The following HMGA2 variants were observed in gnomAD, a reference collection of about 807,000 sequenced individuals.
HMGA2 encodes high mobility group protein HMGI-C.
Under a neutral mutation model 19.1 loss-of-function variants are expected in HMGA2, and 8 were observed. The observed-to-expected ratio is 0.42, with a 90% CI of 0.25 to 0.76. The LOEUF is 0.76. Among genes scored for constraint, HMGA2 ranks in the 30% least tolerant of loss-of-function variants. The pLI, the probability that HMGA2 is intolerant of heterozygous loss-of-function variation, is 0.28. For synonymous variants in HMGA2, 60 were observed against 48.8 expected, an observed-to-expected ratio of 1.23 and a Z score of -0.96; for missense variants, 109 against 136.3, an observed-to-expected ratio of 0.80 and a Z score of 1.00.
intron 3 of HMGA2, chr12:65,881,507 C>A: frequency 1.8e-6 from 1 of 568,832 alleles, no homozygotes; most frequent in East Asian, 2.8e-5. Context: ...AGTAGCAGAA[C>A]AAAACAAAAC....
chr12:65,939,473 A>C (rs1592458493), intron 3 of HMGA2, among the ~76,000 whole-genome samples: 1 of 151,868 alleles, frequency 6.6e-6, no homozygotes, highest in Non-Finnish European at 1.5e-5. Flanking sequence ...CTTTTGCCTC[A>C]GCCTCCTGAG....
chr12:65,900,682 A>G (rs984164682), intron 3 of HMGA2, among the ~76,000 whole-genome samples: 2 of 152,228 alleles, frequency 1.3e-5, no homozygotes, highest in South Asian at 4.1e-4. Context: ...ACCACTAGGA[A>G]CAAAATGAGC....
chr12:65,866,294 A>T (rs74097820), intron 3 of HMGA2, among the ~76,000 whole-genome samples: 11,409 of 152,228 alleles, frequency 0.075, 1,246 homozygotes, highest in African/African-American at 0.24. Context: ...CGTAGTTATT[A>T]AAAAAATACA....
At chr12:65,958,831 G>C (rs1876671674) in intron 4 of HMGA2, 1 of 151,786 alleles carries the variant, frequency 6.6e-6, no homozygotes, top group African/African-American at 2.4e-5. Context: ...TAATAGAAGA[G>C]TTGCAGAATT....
rs149098124 is a variant in HMGA2, at chr12:65,945,134, G to A, written c.250-6249G>A. Among the ~76,000 whole-genome samples the A allele has an allele frequency of 6.3e-3, 962 of 151,836 alleles. 7 individuals carry two copies. The highest frequency in any genetic ancestry group is 6.8e-3 in the Non-Finnish European group (460 of 67,966). On this transcript the variant is annotated intron_variant, in intron 3 of 4. Transcript: ENST00000403681. ...GAGGGCAGAGATGGATTGGAGTGGA[G>A]GCCACGTGAATGAGTCTCAGAAATA...
rs184348687 is a variant in HMGA2, at chr12:65,863,106, G to A, written c.249+24537G>A. On this transcript the variant is annotated intron_variant, in intron 3 of 4. Coordinates refer to ENST00000403681, the MANE Select transcript of HMGA2 (RefSeq NM_003483.6). ...ACAGCAGTGAACCCTAAATCCTGAC[G>A]ACACTATCAGCACTTAAGTAGAGCT... Among the ~76,000 whole-genome samples, 7 of 152,278 alleles carry A rather than the reference G, an allele frequency of 4.6e-5. No homozygotes were observed. The East Asian group carries it at 1.3e-3, about 29-fold the overall frequency.
Position 65,937,883 on chromosome 12 carries a change from C to T in HMGA2, c.250-13500C>T, listed in dbSNP as rs115519105. ...CTTCTTACCAACCCTCAAAGACAAACCAGCACAGAGAATAGTAAAATGTGC... is the reference window on the plus strand; with the variant it reads ...CTTCTTACCAACCCTCAAAGACAAATCAGCACAGAGAATAGTAAAATGTGC... On this transcript the variant is annotated intron_variant, in intron 3 of 4. Coordinates refer to ENST00000403681, the MANE Select transcript of HMGA2 (RefSeq NM_003483.6). Among the ~76,000 whole-genome samples, 1,288 of 152,282 alleles carry T rather than the reference C, an allele frequency of 8.5e-3. 20 individuals are homozygous for T. Among genetic ancestry groups the T allele is most frequent in the African/African-American group, 0.029 (1,203 of 41,548 alleles).
chr12:65,857,169 CT>C (rs1871788307), intron 3 of HMGA2: 1 of 152,164 alleles, frequency 6.6e-6, no homozygotes, highest in Non-Finnish European at 1.5e-5. Flanking sequence ...TTATAGACTG[CT>C]TTTGGTGTGA....
intron 3 of HMGA2, among the ~76,000 whole-genome samples, chr12:65,883,929 A>G (rs1005447406): frequency 1.3e-5 from 2 of 152,178 alleles, no homozygotes; most frequent in African/African-American, 4.8e-5. Flanking sequence ...CGGTGGCCCA[A>G]TCTCAGCTCA....
At chr12:65,840,992 C>T (rs1376395114) in intron 3 of HMGA2, among the ~76,000 whole-genome samples, 1 of 152,108 alleles carries the variant, frequency 6.6e-6, no homozygotes, top group Non-Finnish European at 1.5e-5. Flanking sequence ...CTTCCTATGG[C>T]TCCACATCTG....
intron 3 of HMGA2, among the ~76,000 whole-genome samples, chr12:65,865,945 C>T (rs1447688337): frequency 6.6e-6 from 1 of 151,816 alleles, no homozygotes; most frequent in Non-Finnish European, 1.5e-5. Flanking sequence ...CCTAGCCATC[C>T]CCATCTATTT....
In HMGA2 at chr12:65,825,925, G is replaced by A. The variant is rs1049442271; in HGVS notation, c.111+544G>A. ...CCTTGGCGCCCTCCTCCAAGCTCTCGGTGGCCCAAGACTCGCGCCCTCCCG... is the reference window on the plus strand; with the variant it reads ...CCTTGGCGCCCTCCTCCAAGCTCTCAGTGGCCCAAGACTCGCGCCCTCCCG... On this transcript the variant is annotated intron_variant, in intron 1 of 4. Transcript: ENST00000403681. The surrounding 1 kb of genome is among the most constrained non-coding windows in gnomAD (Gnocchi z 4.4). The A allele has an allele frequency of 6.6e-6, 1 of 152,072 alleles. No homozygotes were observed. The highest frequency in any genetic ancestry group is 6.5e-5 in the Admixed American group (1 of 15,292). The allele number at this position is 152,072 out of a possible 1,614,324, so 9.4% of individuals were successfully genotyped here. A position where few individuals can be genotyped will look rare whatever the true frequency, so the allele number is the denominator to read the frequency against.
chr12:65,955,253 A>T (rs899217888), intron 4 of HMGA2: 6 of 152,168 alleles, frequency 3.9e-5, no homozygotes, highest in Non-Finnish European at 8.8e-5. Flanking sequence ...TCTCAGTCAT[A>T]TGAATTACAT....
At chr12:65,952,408 T>C (rs1320251480) in intron 4 of HMGA2, 2 of 1,534,732 alleles carry the variant, frequency 1.3e-6, no homozygotes, top group Non-Finnish European at 1.7e-6. Flanking sequence ...ATATATCTAC[T>C]GTTCTCTAAA....
At position 65,881,841 on chromosome 12, in the gene HMGA2, T is replaced by G. The variant is rs754372576; in HGVS notation, c.249+43272T>G. 1.0e-4 allele frequency: 72 copies of G among 702,882 alleles called. 1 individual carries two copies. The highest frequency in any genetic ancestry group is 2.1e-5 in the Non-Finnish European group (8 of 385,002). 43.5% of individuals were successfully genotyped at this position (702,882 alleles called of 1,614,324 possible). ...GGGATGACAGACACATTCCCTTCCT[T>G]GAACTGCACTCTTTTCCCTTGCACT... On this transcript the variant is annotated intron_variant, in intron 3 of 4. Transcript: ENST00000403681.
At chr12:65,872,314 T>C (rs1377110803) in intron 3 of HMGA2, among the ~76,000 whole-genome samples, 3 of 152,178 alleles carry the variant, frequency 2.0e-5, no homozygotes, top group East Asian at 1.9e-4. Context: ...GGTAAACCTG[T>C]CCTGTGTTTC....
chr12:65,834,756 A>G (rs1485269055), intron 2 of HMGA2, among the ~76,000 whole-genome samples: 1 of 152,206 alleles, frequency 6.6e-6, no homozygotes, highest in Non-Finnish European at 1.5e-5. Context: ...TTTCCTAATT[A>G]GTTTTTAAAA....
At chr12:65,863,876 G>A (rs1021999929) in intron 3 of HMGA2, among the ~76,000 whole-genome samples, 4 of 152,184 alleles carry the variant, frequency 2.6e-5, no homozygotes, top group Non-Finnish European at 4.4e-5. Flanking sequence ...TTGGCTAAGC[G>A]ATTTTAGTAG....
Position 65,965,704 on chromosome 12 carries a change from A to G in HMGA2, c.*2412A>G, listed in dbSNP as rs913393093. ...TTAGAAACCTCATTGGCCAGCTCAT[A>G]AAATGGAAGCAATTGCTCATGTTGG... is the stretch of plus-strand genomic sequence containing the variant. On this transcript the variant is annotated 3_prime_UTR_variant, in exon 5 of 5. Coordinates refer to ENST00000403681, the MANE Select transcript of HMGA2 (RefSeq NM_003483.6). The G allele has an allele frequency of 8.9e-6, 2 of 223,476 alleles. No homozygotes were observed. The highest frequency in any genetic ancestry group is 1.1e-4 in the Admixed American group (2 of 17,422). 13.8% of individuals were successfully genotyped at this position (223,476 alleles called of 1,614,324 possible). A position where few individuals can be genotyped will look rare whatever the true frequency, so the allele number is the denominator to read the frequency against.
Sources: gnomAD v4.1 joint callset for allele counts (sites outside exome capture counted in the v4.1 genomes callset) on GRCh38, gnomAD v4.1.1 for gene constraint, Gnocchi (gnomAD v3.1) non-coding constraint, MANE v1.5 for transcripts, NCBI Gene and HGNC (gene_info 2026-07-23, HGNC 2026-07-21) for gene names.